Variants in ERC1 observed in about 807,000 individuals in gnomAD.
The protein encoded by ERC1 is RAB6 interacting protein 2.
In ERC1, 56 loss-of-function variants were observed where a neutral mutation model predicts 132.0. That is an observed-to-expected ratio of 0.42 (90% CI 0.34 to 0.53). The LOEUF is 0.53. Ranked by LOEUF, ERC1 falls within the 20% of genes least tolerant of loss-of-function variation. ERC1 has a pLI of 0.03. For missense variants in ERC1, 1,202 were observed against 1,349.9 expected (o/e 0.89, Z 1.72); for synonymous variants, 478 against 476.1 (o/e 1.00, Z -0.05).
At chr12:1,214,416 G>C (rs1958173907) in intron 12 of ERC1, among the ~76,000 whole-genome samples, 1 of 151,996 alleles carries the variant, frequency 6.6e-6, no homozygotes, top group African/African-American at 2.4e-5. Context: ...TAAGGTCCTT[G>C]GTATATAATA....
intron 18 of ERC1, among the ~76,000 whole-genome samples, chr12:1,471,610 A>T (rs1221844513): frequency 1.3e-5 from 2 of 151,220 alleles, no homozygotes; most frequent in African/African-American, 4.9e-5. Context: ...TGTTAGCAAC[A>T]CGTGTTTCTT....
chr12:1,205,367 A>G (rs565414902), intron 12 of ERC1, among the ~76,000 whole-genome samples: 26 of 150,146 alleles, frequency 1.7e-4, no homozygotes, highest in South Asian at 4.2e-4. Context: ...GATTATATAT[A>G]TGTGTGTGTG....
intron 17 of ERC1, among the ~76,000 whole-genome samples, chr12:1,418,621 T>TCTCTCTCTC (rs2092264201): frequency 8.4e-5 from 10 of 118,660 alleles, no homozygotes; most frequent in African/African-American, 5.0e-4. Context: ...CTTTCTTTCT[T>TCTCTCTCTC]TCTTTCTTTC....
At chr12:1,153,532 G>A (rs1444349920) in intron 8 of ERC1, among the ~76,000 whole-genome samples, 1 of 152,240 alleles carries the variant, frequency 6.6e-6, no homozygotes, top group Admixed American at 6.5e-5. Flanking sequence ...AAGCAGTCCA[G>A]TCAACAGCTC....
At chr12:1,166,072 T>C (rs1249361961) in intron 8 of ERC1, among the ~76,000 whole-genome samples, 1 of 152,160 alleles carries the variant, frequency 6.6e-6, no homozygotes, top group Non-Finnish European at 1.5e-5. Flanking sequence ...TTGGGGGATA[T>C]TGGTTTTGAA....
In ERC1 at chr12:1,007,540, C is replaced by CTCTCTG. The variant is rs1555194875; in HGVS notation, c.-157+16219_-157+16220insCTCTGT. ...ATTCTCTCTCTCTCTCTCTCTCTCT[C>CTCTCTG]TGTGTGTGTGTGTGTGTGTGTGTGT... On this transcript the variant is annotated intron_variant, in intron 1 of 18. Coordinates refer to ENST00000360905, the MANE Select transcript of ERC1 (RefSeq NM_178040.4). Among the ~76,000 whole-genome samples the CTCTCTG allele has an allele frequency of 4.6e-4, 57 of 122,780 alleles. 1 individual carries two copies. The highest frequency in any genetic ancestry group is 1.8e-3 in the African/African-American group (47 of 26,516). 80.5% of individuals were successfully genotyped at this position (122,780 alleles called of 152,430 possible).
chr12:1,131,501 A>G (rs1948756552), intron 7 of ERC1, among the ~76,000 whole-genome samples: 1 of 152,128 alleles, frequency 6.6e-6, no homozygotes, highest in African/African-American at 2.4e-5. Context: ...TCTCTCTGTC[A>G]CCCAGGCTGG....
rs4017792 is a variant in ERC1, at chr12:1,143,329, CGTGTGTGTGTGTGTGTGTGTGTGTGT to C, written c.1737+1569_1737+1594del. ...TCCTAGCTCTGTTTGGCTTTTGACT[CGTGTGTGTGTGTGTGTGTGTGTGTGT>C]GTGTGTGTGTGTGTGTGTGTGTGTG... On this transcript the variant is annotated intron_variant, in intron 8 of 18. Coordinates refer to ENST00000360905, the MANE Select transcript of ERC1 (RefSeq NM_178040.4). Among the ~76,000 whole-genome samples, 670 of 128,970 alleles carry C rather than the reference CGTGTGTGTGTGTGTGTGTGTGTGTGT, an allele frequency of 5.2e-3. 6 individuals carry two copies. The highest frequency in any genetic ancestry group is 0.017 in the African/African-American group (620 of 36,296). The allele number at this position is 128,970 out of a possible 152,430, so 84.6% of individuals were successfully genotyped here.
At chr12:1,253,669 T>C (rs1320549257) in intron 13 of ERC1, among the ~76,000 whole-genome samples, 1 of 151,822 alleles carries the variant, frequency 6.6e-6, no homozygotes, top group African/African-American at 2.4e-5. Context: ...AGAGGGAAAC[T>C]GCATCTCAAA....
At chr12:1,205,379 G>GTATA (rs1021022984) in intron 12 of ERC1, among the ~76,000 whole-genome samples, 39 of 145,946 alleles carry the variant, frequency 2.7e-4, no homozygotes, top group African/African-American at 8.3e-4. Context: ...GTGTGTGTGT[G>GTATA]TATATATATA....
At chr12:1,054,781 G>A (rs1215189092) in intron 2 of ERC1, among the ~76,000 whole-genome samples, 1 of 152,144 alleles carries the variant, frequency 6.6e-6, no homozygotes, top group Non-Finnish European at 1.5e-5. Flanking sequence ...AGTATGCTGT[G>A]TACTTTGAGA....
intron 16 of ERC1, among the ~76,000 whole-genome samples, chr12:1,395,502 A>G (rs1300668133): frequency 6.6e-6 from 1 of 151,832 alleles, no homozygotes; most frequent in East Asian, 1.9e-4. Context: ...GCTCTTCTCC[A>G]GAGTTCGAAG....
At chr12:1,186,735 A>T (rs1362116297) in intron 11 of ERC1, among the ~76,000 whole-genome samples, 1 of 152,230 alleles carries the variant, frequency 6.6e-6, no homozygotes, top group East Asian at 1.9e-4. Context: ...TCCAGAAAAT[A>T]CCTTTCATAT....
intron 17 of ERC1, among the ~76,000 whole-genome samples, chr12:1,431,439 T>C (rs1013056812): frequency 6.6e-6 from 1 of 152,222 alleles, no homozygotes; most frequent in Admixed American, 6.5e-5. Flanking sequence ...CTGAGCGTTT[T>C]CTGGAGCTGA....
chr12:1,465,894 C>T (rs1009776992), intron 18 of ERC1, among the ~76,000 whole-genome samples: 4 of 152,178 alleles, frequency 2.6e-5, no homozygotes, highest in African/African-American at 9.7e-5. Flanking sequence ...CTGCCACAGT[C>T]GCGGGTTTTC....
chr12:1,448,596 G>A (rs1175007864), intron 18 of ERC1, among the ~76,000 whole-genome samples: 4 of 152,220 alleles, frequency 2.6e-5, no homozygotes, highest in African/African-American at 9.7e-5. Flanking sequence ...TAGTTTTGTA[G>A]TTTTGTTTTT....
intron 14 of ERC1, among the ~76,000 whole-genome samples, chr12:1,287,788 T>G (rs1307872213): frequency 1.3e-5 from 2 of 152,202 alleles, no homozygotes; most frequent in African/African-American, 2.4e-5. Flanking sequence ...GCTTGCCAGT[T>G]CACCCTATAG....
chr12:1,034,945 A>G (rs913336919), intron 2 of ERC1, among the ~76,000 whole-genome samples: 4 of 152,222 alleles, frequency 2.6e-5, no homozygotes, highest in Admixed American at 2.6e-4. Context: ...CGCCTTATCT[A>G]GATTCCACCC....
intron 13 of ERC1, among the ~76,000 whole-genome samples, chr12:1,251,806 A>G (rs182249294): frequency 7.0e-4 from 106 of 152,296 alleles, no homozygotes; most frequent in African/African-American, 2.3e-3. Flanking sequence ...TGATAGGACT[A>G]ATGTGCTCTC....
Sources: allele counts gnomAD v4.1 joint callset (sites outside exome capture counted in the v4.1 genomes callset), GRCh38; gene constraint gnomAD v4.1.1; transcripts MANE v1.5; gene names NCBI Gene and HGNC (gene_info 2026-07-23, HGNC 2026-07-21).